THAP8: variants seen among roughly 807,000 people sequenced by gnomAD.
THAP8 encodes THAP domain-containing protein 8.
In THAP8, 24 loss-of-function variants were observed where a neutral mutation model predicts 25.0. The observed-to-expected ratio is 0.96, with a 90% CI of 0.69 to 1.35. THAP8 has a LOEUF of 1.35. THAP8 is among the 40% of genes most tolerant of loss of function. The pLI is 0.00. For missense variants in THAP8, 399 were observed against 368.8 expected, an observed-to-expected ratio of 1.08 and a Z score of -0.67; for synonymous variants, 169 against 157.6, an observed-to-expected ratio of 1.07 and a Z score of -0.54.
chr19:36,035,257 C>T lies in THAP8; in HGVS notation c.*183G>A, dbSNP rs550357244. 1.4e-6 allele frequency: 1 copy of T among 708,684 alleles called. No homozygotes were observed. Among genetic ancestry groups the T allele is most frequent in the East Asian group, 2.9e-5 (1 of 34,454 alleles). 43.9% of individuals were successfully genotyped at this position (708,684 alleles called of 1,614,324 possible). ...CAGGGGATTGGGGGCTGATGAGAGA[C>T]TTGGGCCCAGGTCACCCCTAAGGTT... On this transcript the variant is annotated 3_prime_UTR_variant, in exon 4 of 4. Coordinates refer to ENST00000292894, the MANE Select transcript of THAP8 (RefSeq NM_152658.3).
chr19:36,043,985 C>T (rs1258583443), intron 1 of THAP8, among the ~76,000 whole-genome samples: 1 of 152,096 alleles, frequency 6.6e-6, no homozygotes, highest in East Asian at 1.9e-4. Context: ...AAATGTGCCC[C>T]ACTTCTCCGG....
In THAP8 at chr19:36,039,430, G is replaced by A. The variant is rs10420353; in HGVS notation, c.565C>T (p.Arg189Trp). 477,689 of 1,578,532 alleles carry A rather than the reference G, an allele frequency of 0.3. 73,825 individuals are homozygous for A. Among genetic ancestry groups the A allele is most frequent in the East Asian group, 0.33 (14,301 of 42,938 alleles). Residue 189 changes from arginine (R) to tryptophan (W), a missense_variant, in exon 3 of 4, where the codon CGG becomes TGG. Transcript: ENST00000292894. ...ALQRRVRRLQRCQERHQAQLQ... is the reference protein window; with the variant it reads ...ALQRRVRRLQWCQERHQAQLQ... ...TGCGCCTGGTGCCGCTCCTGGCACC[G>A]TTGCAGCCTCCGCACCCGGCGTTGC...
chr19:36,039,627 G>A lies in THAP8; in HGVS notation c.368C>T (p.Pro123Leu). The change falls in exon 3 of 4, where the codon CCA becomes CTA. Residue 123 changes from proline to leucine, a missense_variant. Transcript: ENST00000292894. ...NTPLPQSPAI[P>L]VSGPVRLVVL... Reference sequence around the variant, plus strand: ...CACTAGGCGCACTGGGCCAGAGACTGGGATGGCAGGGCTCTGGGGCAGGGG... The same window carrying A: ...CACTAGGCGCACTGGGCCAGAGACTAGGATGGCAGGGCTCTGGGGCAGGGG... The A allele has an allele frequency of 6.6e-7, 1 of 1,508,364 alleles. No homozygotes were observed. Among genetic ancestry groups the A allele is most frequent in the Admixed American group, 2.3e-5 (1 of 43,656 alleles). 93.4% of individuals were successfully genotyped at this position (1,508,364 alleles called of 1,614,324 possible). A position where few individuals can be genotyped will look rare whatever the true frequency, so the allele number is the denominator to read the frequency against.
chr19:36,054,615 C>G, upstream of THAP8: 1 of 543,464 alleles, frequency 1.8e-6, no homozygotes, highest in Non-Finnish European at 3.3e-6. Context: ...GCACATAGTT[C>G]CTCTAGGTGG....
upstream of THAP8, chr19:36,054,303 G>A: frequency 8.1e-6 from 12 of 1,472,896 alleles, no homozygotes; most frequent in East Asian, 7.4e-5. Context: ...CCCCACCCGC[G>A]CTCGCCGCCT....
chr19:36,048,870 A>AAAT (rs1969971606), intron 1 of THAP8, among the ~76,000 whole-genome samples: 1 of 148,626 alleles, frequency 6.7e-6, no homozygotes, highest in Non-Finnish European at 1.5e-5. Context: ...AAAAACAAAA[A>AAAT]ACACCTTTGT....
chr19:36,054,103 C>G, intron 1 of THAP8, 32 bp downstream of exon 1: 4 of 1,604,284 alleles, frequency 2.5e-6, no homozygotes, highest in Non-Finnish European at 3.4e-6. Flanking sequence ...AGGGTCCCGC[C>G]TCCCTCAAGC....
At chr19:36,046,801 G>A (rs188596732) in intron 1 of THAP8, among the ~76,000 whole-genome samples, 8 of 152,240 alleles carry the variant, frequency 5.3e-5, no homozygotes, top group African/African-American at 1.7e-4. Flanking sequence ...TTTCTTTGAG[G>A]CCACAATGTG....
Position 36,035,493 on chromosome 19 carries a change from C to G in THAP8, c.772G>C (p.Ala258Pro). 6.2e-7 allele frequency: 1 copy of G among 1,614,162 alleles called. No homozygotes were observed. The highest frequency in any genetic ancestry group is 8.5e-7 in the Non-Finnish European group (1 of 1,180,022). The change falls in exon 4 of 4, where the codon GCC becomes CCC. Residue 258 changes from alanine (A) to proline (P), a missense_variant. Transcript: ENST00000292894. ...AMVLAQDPAP[A>P]TVDAKPELLD... is the part of the protein sequence containing the mutation. ...AGCTCCGGCTTGGCATCCACTGTGG[C>G]AGGTGCAGGGTCCTGGGCAAGGACC...
At chr19:36,038,589 C>T (rs116678562) in intron 3 of THAP8, among the ~76,000 whole-genome samples, 99 of 152,304 alleles carry the variant, frequency 6.5e-4, no homozygotes, top group African/African-American at 2.1e-3. Flanking sequence ...TGGTGGCTCA[C>T]TCCTGTAATA....
chr19:36,046,089 C>G (rs1408456989), intron 1 of THAP8: 2 of 360,954 alleles, frequency 5.5e-6, no homozygotes, highest in African/African-American at 2.1e-5. Flanking sequence ...CTGTAATCCC[C>G]ATGTGTCAAG....
At chr19:36,052,715 C>T (rs1204414905) in intron 1 of THAP8, among the ~76,000 whole-genome samples, 3 of 152,150 alleles carry the variant, frequency 2.0e-5, no homozygotes, top group Non-Finnish European at 4.4e-5. Context: ...AAGCTCCAAA[C>T]CTGGATTGTA....
At chr19:36,049,320 G>A (rs1024650712) in intron 1 of THAP8, among the ~76,000 whole-genome samples, 12 of 151,868 alleles carry the variant, frequency 7.9e-5, no homozygotes, top group Non-Finnish European at 1.3e-4. Context: ...AGCCATGATC[G>A]CACCACAGTA....
intron 1 of THAP8, chr19:36,045,883 T>C (rs1191411854): frequency 2.2e-6 from 1 of 456,738 alleles, no homozygotes; most frequent in Admixed American, 2.3e-5. Flanking sequence ...GAAAGCCGAT[T>C]TGGACTCCTG....
chr19:36,038,601 C>T (rs1156445164), intron 3 of THAP8, among the ~76,000 whole-genome samples: 1 of 152,102 alleles, frequency 6.6e-6, no homozygotes, highest in Non-Finnish European at 1.5e-5. Flanking sequence ...CCTGTAATAC[C>T]AGCATTTTGG....
intron 1 of THAP8, among the ~76,000 whole-genome samples, chr19:36,046,780 AGAACTCCAACTTTCTTT>A (rs568561534): frequency 4.4e-3 from 665 of 152,338 alleles, no homozygotes; most frequent in Non-Finnish European, 7.6e-3. Flanking sequence ...CCTTACTAAC[AGAACTCCAACTTTCTTT>A]GAGGCCACAA....
At position 36,054,201 on chromosome 19, in the gene THAP8, C is replaced by A. The variant is rs369085779; in HGVS notation, c.17G>T (p.Arg6Met). The A allele has an allele frequency of 4.3e-6, 7 of 1,613,766 alleles. No individual in the cohort carries two copies. The highest frequency in any genetic ancestry group is 5.1e-6 in the Non-Finnish European group (6 of 1,179,912). MPKYC[R>M]APNCSNTAGR... Reference sequence around the variant, plus strand: ...CGCAGTGTTGGAGCAGTTCGGCGCCCTGCAGTACTTGGGCATGGCTATCCA... The same window carrying A: ...CGCAGTGTTGGAGCAGTTCGGCGCCATGCAGTACTTGGGCATGGCTATCCA... The change falls in exon 1 of 4, where the codon AGG (arginine) becomes ATG (methionine). Residue 6 changes from arginine (R) to methionine (M), a missense_variant. Arg to Met is a moderately conservative substitution (Grantham distance 91). Coordinates refer to ENST00000292894, the MANE Select transcript of THAP8 (RefSeq NM_152658.3).
At chr19:36,053,545 C>T (rs920248092) in intron 1 of THAP8, among the ~76,000 whole-genome samples, 36 of 111,268 alleles carry the variant, frequency 3.2e-4, no homozygotes, top group Admixed American at 1.1e-3. Flanking sequence ...ACAAAGCGAT[C>T]TTGTCTCAAA....
At chr19:36,038,812 C>T (rs1267767949) in intron 3 of THAP8, among the ~76,000 whole-genome samples, 5 of 150,774 alleles carry the variant, frequency 3.3e-5, no homozygotes, top group African/African-American at 1.2e-4. Context: ...GATTGCACTA[C>T]TGCACTCCAG....
Sources: gnomAD v4.1 joint callset for allele counts (sites outside exome capture counted in the v4.1 genomes callset) on GRCh38, gnomAD v4.1.1 for gene constraint, MANE v1.5 for transcripts, NCBI Gene and HGNC (gene_info 2026-07-23, HGNC 2026-07-21) for gene names.